The following PDE4B variants were observed in gnomAD, a reference collection of about 807,000 sequenced individuals.
The protein encoded by PDE4B is 3',5'-cyclic-AMP phosphodiesterase 4B.
Under a neutral mutation model 82.2 loss-of-function variants are expected in PDE4B, and 20 were observed. That is an observed-to-expected ratio of 0.24 (90% CI 0.17 to 0.35). The LOEUF (loss-of-function observed/expected upper bound fraction) is 0.35. PDE4B is among the 10% of genes least tolerant of loss of function. The probability of loss-of-function intolerance (pLI) is 1.00; values close to 1 mark genes in which losing one functional copy is unlikely to be tolerated. For missense variants in PDE4B, 655 were observed against 907.2 expected (o/e 0.72, Z 3.57); for synonymous variants, 320 against 318.9 (o/e 1.00, Z -0.04).
At chr1:66,185,511 T>G (rs891364706) in intron 3 of PDE4B, among the ~76,000 whole-genome samples, 6 of 151,924 alleles carry the variant, frequency 3.9e-5, no homozygotes, top group Admixed American at 3.9e-4. Context: ...TGTTGTTTCC[T>G]GACTTTTTAA....
intron 3 of PDE4B, among the ~76,000 whole-genome samples, chr1:66,239,136 A>C (rs530605608): frequency 3.9e-5 from 6 of 152,186 alleles, no homozygotes; most frequent in Non-Finnish European, 8.8e-5. Context: ...AGATTGTCTT[A>C]TTGGCAGAGA....
Position 66,090,621 on chromosome 1 carries a change from A to ATATATATATATATATATGTG in PDE4B, c.282-156838_282-156837insATATATATATATATATGTGT. On this transcript the variant is annotated intron_variant, in intron 3 of 16. Coordinates refer to ENST00000341517, the MANE Select transcript of PDE4B (RefSeq NM_002600.4). ...TTATATATATATATGTATATAATAT[A>ATATATATATATATATATGTG]TGTGTGTGTGTGTGTGTGTATGTAC... Among the ~76,000 whole-genome samples, 76 of 122,662 alleles carry ATATATATATATATATATGTG rather than the reference A, an allele frequency of 6.2e-4. 1 individual carries two copies. Among genetic ancestry groups the ATATATATATATATATATGTG allele is most frequent in the Middle Eastern group, 3.9e-3 (1 of 258 alleles). The allele number at this position is 122,662 out of a possible 152,430, so 80.5% of individuals were successfully genotyped here. A position where few individuals can be genotyped will look rare whatever the true frequency, so the allele number is the denominator to read the frequency against.
intron 7 of PDE4B, among the ~76,000 whole-genome samples, chr1:66,286,707 A>C (rs1013498096): frequency 2.0e-5 from 3 of 151,786 alleles, no homozygotes; most frequent in Non-Finnish European, 4.4e-5. Context: ...CAGGGTCAGG[A>C]CTCTTCGTTC....
At chr1:66,260,895 C>T (rs1166184466) in intron 6 of PDE4B, among the ~76,000 whole-genome samples, 2 of 152,160 alleles carry the variant, frequency 1.3e-5, no homozygotes, top group East Asian at 3.8e-4. Flanking sequence ...CCTTGTGTCA[C>T]CCTTGGTCCA....
intron 3 of PDE4B, among the ~76,000 whole-genome samples, chr1:66,141,155 C>T (rs1302706875): frequency 1.3e-5 from 2 of 151,520 alleles, no homozygotes; most frequent in Non-Finnish European, 2.9e-5. Flanking sequence ...ATTTATTAAA[C>T]ATTTATTGAG....
chr1:66,186,560 A>T (rs1647220731), intron 3 of PDE4B, among the ~76,000 whole-genome samples: 1 of 152,096 alleles, frequency 6.6e-6, no homozygotes, highest in Non-Finnish European at 1.5e-5. Flanking sequence ...CGTCCCTTAT[A>T]AGTTGGATTC....
intron 9 of PDE4B, among the ~76,000 whole-genome samples, chr1:66,358,037 G>A (rs1662399011): frequency 6.6e-6 from 1 of 152,200 alleles, no homozygotes; most frequent in Non-Finnish European, 1.5e-5. Context: ...CATGATGAAT[G>A]TTCCTGGAAG....
intron 3 of PDE4B, among the ~76,000 whole-genome samples, chr1:66,122,460 T>A (rs1476336795): frequency 6.6e-6 from 1 of 152,172 alleles, no homozygotes; most frequent in Non-Finnish European, 1.5e-5. Context: ...TTTGTTATTG[T>A]GGAATAACAT....
intron 3 of PDE4B, among the ~76,000 whole-genome samples, chr1:66,183,017 T>C (rs1252670756): frequency 1.4e-4 from 22 of 152,224 alleles, no homozygotes; most frequent in Admixed American, 1.4e-3. Context: ...TCATAACCTG[T>C]ATCCAGCTTG....
intron 9 of PDE4B, among the ~76,000 whole-genome samples, chr1:66,355,844 A>G (rs1662195232): frequency 6.6e-6 from 1 of 152,194 alleles, no homozygotes; most frequent in Admixed American, 6.5e-5. Context: ...ACAGAGGGTT[A>G]TTATGGGCTA....
At chr1:66,289,900 A>G (rs542042549) in intron 7 of PDE4B, among the ~76,000 whole-genome samples, 3 of 152,236 alleles carry the variant, frequency 2.0e-5, no homozygotes, top group Non-Finnish European at 2.9e-5. Context: ...GAAATAGATA[A>G]GATGATGCTG....
intron 8 of PDE4B, among the ~76,000 whole-genome samples, chr1:66,336,906 A>T (rs114633519): frequency 6.6e-6 from 1 of 152,186 alleles, no homozygotes; most frequent in Non-Finnish European, 1.5e-5. Context: ...ATAAAGTCAC[A>T]CTATTCTACC....
intron 3 of PDE4B, among the ~76,000 whole-genome samples, chr1:66,026,664 A>G (rs1306731661): frequency 6.6e-6 from 1 of 152,250 alleles, no homozygotes; most frequent in Non-Finnish European, 1.5e-5. Flanking sequence ...TGATATTCAT[A>G]TAAAGCACTC....
At chr1:65,844,250 C>A (rs10218542) in intron 1 of PDE4B, among the ~76,000 whole-genome samples, 1,661 of 152,274 alleles carry the variant, frequency 0.011, 40 homozygotes, top group African/African-American at 0.038. Flanking sequence ...GTACTGGGTG[C>A]TGTACTGGAT....
At chr1:65,960,783 G>A (rs1649506264) in intron 3 of PDE4B, among the ~76,000 whole-genome samples, 1 of 152,060 alleles carries the variant, frequency 6.6e-6, no homozygotes, top group Non-Finnish European at 1.5e-5. Context: ...TCTCTAGAAA[G>A]CTTGAAGTTT....
chr1:66,165,026 G>C (rs1377460247), intron 3 of PDE4B, among the ~76,000 whole-genome samples: 1 of 152,074 alleles, frequency 6.6e-6, no homozygotes, highest in Non-Finnish European at 1.5e-5. Flanking sequence ...CTCCCAAAGT[G>C]CTGGGATTAC....
chr1:66,361,340 C>A (rs1039290786), intron 9 of PDE4B, among the ~76,000 whole-genome samples: 4 of 152,100 alleles, frequency 2.6e-5, no homozygotes, highest in Non-Finnish European at 5.9e-5. Context: ...GGTCTTGGGT[C>A]CTATTTTTGC....
At chr1:65,886,450 A>C (rs974286314) in intron 1 of PDE4B, among the ~76,000 whole-genome samples, 2 of 152,162 alleles carry the variant, frequency 1.3e-5, no homozygotes. Flanking sequence ...TAGTCACACT[A>C]TTCTGCTATT....
chr1:65,806,249 G>T (rs1645753577), intron 1 of PDE4B, among the ~76,000 whole-genome samples: 1 of 151,942 alleles, frequency 6.6e-6, no homozygotes, highest in Non-Finnish European at 1.5e-5. Flanking sequence ...TCTTGGTTCT[G>T]TTTTCTAGAA....
Sources: gnomAD v4.1 joint callset for allele counts (sites outside exome capture counted in the v4.1 genomes callset) on GRCh38, gnomAD v4.1.1 for gene constraint, MANE v1.5 for transcripts, NCBI Gene and HGNC (gene_info 2026-07-23, HGNC 2026-07-21) for gene names.